The following SLC16A12 variants were observed in gnomAD, a reference collection of about 807,000 sequenced individuals.
SLC16A12 encodes monocarboxylate transporter 12.
A neutral mutation model predicts 42.4 loss-of-function variants in SLC16A12; 17 were observed. The observed-to-expected ratio is 0.40, with a 90% confidence interval of 0.27 to 0.60. The LOEUF (loss-of-function observed/expected upper bound fraction) is 0.60. Ranked by LOEUF, SLC16A12 falls within the 20% of genes least tolerant of loss-of-function variation. The pLI is 0.42. For synonymous variants in SLC16A12, 224 were observed against 229.4 expected, an observed-to-expected ratio of 0.98 and a Z score of 0.21; for missense variants, 544 against 623.0, an observed-to-expected ratio of 0.87 and a Z score of 1.35.
At chr10:89,539,873 C>CTTT (rs1260821011), upstream of SLC16A12, among the ~76,000 whole-genome samples, 3 of 143,014 alleles carry the variant, frequency 2.1e-5, no homozygotes, top group Non-Finnish European at 3.0e-5. Flanking sequence ...TTCTTTCTTT[C>CTTT]TTTCTTTCTT....
chr10:89,430,607 A>T lies in SLC16A12; in HGVS notation c.*2457T>A. The T allele has an allele frequency of 2.2e-6, 1 of 460,336 alleles. No homozygotes were observed. Among genetic ancestry groups the T allele is most frequent in the South Asian group, 1.6e-5 (1 of 61,260 alleles). The allele number at this position is 460,336 out of a possible 1,614,324, so 28.5% of individuals were successfully genotyped here. On this transcript the variant is annotated 3_prime_UTR_variant, in exon 8 of 8. Coordinates refer to ENST00000371790, the MANE Select transcript of SLC16A12 (RefSeq NM_213606.4). ...TAGACACATGGAACATTAACACTAA[A>T]ATTCTGTGTAGAAATGTAAAATAGT... is the stretch of plus-strand genomic sequence containing the variant.
chr10:89,531,494 C>G (rs1386701170), intron 2 of SLC16A12, among the ~76,000 whole-genome samples: 1 of 152,124 alleles, frequency 6.6e-6, no homozygotes, highest in African/African-American at 2.4e-5. Flanking sequence ...TAGTAACAGC[C>G]AAGTATACAA....
chr10:89,471,455 G>A (rs303204), intron 2 of SLC16A12, among the ~76,000 whole-genome samples: 35,155 of 152,160 alleles, frequency 0.23, 4,807 homozygotes, highest in Non-Finnish European at 0.32. Context: ...AGTTTGTTGT[G>A]TGTATCTACA....
chr10:89,456,079 C>T (rs962101331), intron 3 of SLC16A12: 1 of 152,166 alleles, frequency 6.6e-6, no homozygotes, highest in Non-Finnish European at 1.5e-5. Flanking sequence ...GTGAGTGCTG[C>T]CAACATCTGG....
chr10:89,440,870 C>A (rs1841896180), intron 5 of SLC16A12, among the ~76,000 whole-genome samples: 1 of 152,142 alleles, frequency 6.6e-6, no homozygotes, highest in Non-Finnish European at 1.5e-5. Context: ...ACACTAATTC[C>A]AAGGAGAAAG....
intron 2 of SLC16A12, among the ~76,000 whole-genome samples, chr10:89,518,530 C>T (rs1353490414): frequency 6.6e-6 from 1 of 152,164 alleles, no homozygotes; most frequent in Non-Finnish European, 1.5e-5. Flanking sequence ...GTGGAGGGAG[C>T]AGTATCTCCT....
chr10:89,515,499 T>C (rs537928984), intron 2 of SLC16A12, among the ~76,000 whole-genome samples: 2 of 152,332 alleles, frequency 1.3e-5, no homozygotes, highest in East Asian at 3.9e-4. Flanking sequence ...CGATCCATTT[T>C]GCCTCACTTT....
intron 2 of SLC16A12, among the ~76,000 whole-genome samples, chr10:89,532,955 C>T (rs565304943): frequency 4.6e-5 from 7 of 152,294 alleles, no homozygotes; most frequent in East Asian, 1.9e-4. Context: ...ACCACTAACA[C>T]TCTTAAGAAA....
intron 2 of SLC16A12, among the ~76,000 whole-genome samples, chr10:89,544,620 G>T (rs1226867122): frequency 6.6e-6 from 1 of 152,144 alleles, no homozygotes; most frequent in Non-Finnish European, 1.5e-5. Flanking sequence ...ATTCTTTGGA[G>T]AGAAGGTTGT....
intron 2 of SLC16A12, among the ~76,000 whole-genome samples, chr10:89,550,341 A>T (rs1843762994): frequency 6.6e-6 from 1 of 152,190 alleles, no homozygotes; most frequent in African/African-American, 2.4e-5. Flanking sequence ...CAACATGGTG[A>T]AACCCCGTCT....
At chr10:89,470,099 T>G (rs921569682) in intron 2 of SLC16A12, among the ~76,000 whole-genome samples, 9 of 152,172 alleles carry the variant, frequency 5.9e-5, no homozygotes, top group African/African-American at 1.2e-4. Context: ...TAAGACTAAG[T>G]CAAGAAGCCT....
At chr10:89,468,313 C>T (rs1842438058) in intron 2 of SLC16A12, among the ~76,000 whole-genome samples, 1 of 152,178 alleles carries the variant, frequency 6.6e-6, no homozygotes, top group Admixed American at 6.5e-5. Flanking sequence ...TGAATAAGCG[C>T]ACTCGATCCT....
upstream of SLC16A12, among the ~76,000 whole-genome samples, chr10:89,538,668 A>C (rs574633011): frequency 6.8e-4 from 104 of 152,344 alleles, no homozygotes; most frequent in African/African-American, 2.4e-3. Context: ...AGGCTTTGTG[A>C]TAATCAAAAT....
chr10:89,555,702 T>C (rs1167375016), intron 2 of SLC16A12, among the ~76,000 whole-genome samples: 2 of 143,510 alleles, frequency 1.4e-5, no homozygotes, highest in Non-Finnish European at 3.0e-5. Context: ...TATATACATA[T>C]ATATATATAT....
chr10:89,452,355 C>T (rs1314103263), intron 3 of SLC16A12, among the ~76,000 whole-genome samples: 1 of 152,062 alleles, frequency 6.6e-6, no homozygotes, highest in Non-Finnish European at 1.5e-5. Flanking sequence ...TTCAGTGATT[C>T]CATATATGAG....
chr10:89,452,016 G>C (rs1001007409), intron 3 of SLC16A12, among the ~76,000 whole-genome samples: 19 of 152,204 alleles, frequency 1.2e-4, no homozygotes, highest in African/African-American at 4.1e-4. Flanking sequence ...AATGCAGAAA[G>C]AAGGCAGTGG....
At chr10:89,543,467 T>G (rs988862646) in intron 2 of SLC16A12, among the ~76,000 whole-genome samples, 2 of 152,158 alleles carry the variant, frequency 1.3e-5, no homozygotes, top group African/African-American at 4.8e-5. Flanking sequence ...TTTTCCTCAT[T>G]TATAAAATGA....
intron 2 of SLC16A12, among the ~76,000 whole-genome samples, chr10:89,469,984 A>G (rs951572077): frequency 5.9e-5 from 9 of 152,180 alleles, no homozygotes; most frequent in African/African-American, 2.2e-4. Context: ...TTTTTTAGGC[A>G]TTTCTGAAAT....
rs899630085 is a variant in SLC16A12, at chr10:89,530,563, G to A, written c.-47+3938C>T. 1.3e-4 allele frequency among the ~76,000 whole-genome samples: 19 copies of A among 151,898 alleles called. No homozygotes were observed. The East Asian group carries it at 2.7e-3, about 22-fold the overall frequency. On this transcript the variant is annotated intron_variant, in intron 2 of 7. Coordinates refer to ENST00000371790, the MANE Select transcript of SLC16A12 (RefSeq NM_213606.4). ...CTCCCGAGTAGCTGGGACTACAGGC[G>A]CCTACCACCACGCCCGGCTAATTTT...
Sources: gnomAD v4.1 joint callset for allele counts (sites outside exome capture counted in the v4.1 genomes callset) on GRCh38, gnomAD v4.1.1 for gene constraint, MANE v1.5 for transcripts, NCBI Gene and HGNC (gene_info 2026-07-23, HGNC 2026-07-21) for gene names.